NUP214: variants seen among roughly 807,000 people sequenced by gnomAD.
NUP214 encodes the protein nuclear pore complex protein Nup214.
NUP214 carries 79 observed loss-of-function variants against 196.2 expected under a neutral mutation model. The ratio of observed to expected loss-of-function variants is 0.40; its 90% CI spans 0.34 to 0.49. The LOEUF (loss-of-function observed/expected upper bound fraction) is 0.49, where lower values mean the gene tolerates loss of function less well. Ranked by LOEUF, NUP214 falls within the 20% of genes least tolerant of loss-of-function variation. The pLI, the probability that NUP214 is intolerant of heterozygous loss-of-function variation, is 0.58. For synonymous variants in NUP214, 1,020 were observed against 990.5 expected (o/e 1.03, Z -0.56); for missense variants, 2,468 against 2,539.0 (o/e 0.97, Z 0.60).
At position 131,146,431 on chromosome 9, in the gene NUP214, T is replaced by G; in HGVS notation, c.1945+127T>G. ...TTTTCTTGCTTCCTGTATCATACAT[T>G]AATGATTAATGTGCTGTGATTTTCA... On this transcript the variant is annotated intron_variant, in intron 13 of 35. Coordinates refer to ENST00000359428, the MANE Select transcript of NUP214 (RefSeq NM_005085.4). The surrounding 1 kb of genome is among the most constrained non-coding windows in gnomAD (Gnocchi z 4.6). 1.1e-6 allele frequency: 1 copy of G among 886,020 alleles called. No individual in the cohort carries two copies. Among genetic ancestry groups the G allele is most frequent in the Non-Finnish European group, 1.8e-6 (1 of 568,924 alleles). The allele number at this position is 886,020 out of a possible 1,614,324, so 54.9% of individuals were successfully genotyped here.
chr9:131,160,502 G>A (rs1588139542), intron 18 of NUP214, among the ~76,000 whole-genome samples: 2 of 152,298 alleles, frequency 1.3e-5, no homozygotes, highest in Admixed American at 6.5e-5. Context: ...TCCACAAGGA[G>A]TAGAATGTCA....
intron 24 of NUP214, among the ~76,000 whole-genome samples, chr9:131,182,280 G>A (rs906815389): frequency 1.6e-4 from 24 of 152,184 alleles, no homozygotes; most frequent in African/African-American, 5.5e-4. Flanking sequence ...CCCCAGCCCT[G>A]GGCTGCAGAC....
Position 131,140,669 on chromosome 9 carries a change from A to G in NUP214, c.1253A>G (p.Glu418Gly), listed in dbSNP as rs755634544. ...PGVKSLIKTP[E>G]RLSLEGERQP... is the part of the protein sequence containing the mutation. ...GTTAAGTCTCTCATCAAAACACCAGAGCGACTTTCATTAGAAGGAGAGCGA... is the reference window on the plus strand; with the variant it reads ...GTTAAGTCTCTCATCAAAACACCAGGGCGACTTTCATTAGAAGGAGAGCGA... Residue 418 changes from glutamate (E) to glycine (G), a missense_variant, in exon 11 of 36, where the codon GAG (glutamate) becomes GGG (glycine). Glu to Gly is a moderately conservative substitution (Grantham distance 98). Transcript: ENST00000359428. 9 of 1,613,938 alleles carry G rather than the reference A, an allele frequency of 5.6e-6. No individual in the cohort carries two copies. The highest frequency in any genetic ancestry group is 7.6e-6 in the Non-Finnish European group (9 of 1,179,978).
rs745441438 is a variant in NUP214 at position 131,163,924 on chromosome 9, A to T, written c.2778A>T (p.Glu926Asp). 6.2e-7 allele frequency: 1 copy of T among 1,614,134 alleles called. No homozygotes were observed. Residue 926 changes from glutamate to aspartate, a missense_variant, in exon 20 of 36, where the codon GAA (glutamate) becomes GAT (aspartate). Glu to Asp is a conservative substitution (Grantham distance 45, BLOSUM62 2). Coordinates refer to ENST00000359428, the MANE Select transcript of NUP214 (RefSeq NM_005085.4). Reference protein sequence around the residue: ...LCNALLKTTIESHTKSLPKVP... With the variant: ...LCNALLKTTIDSHTKSLPKVP... Reference sequence around the variant, plus strand: ...ATGCTTTGTTGAAAACCACCATAGAATCTCACACCAAATCCTTGCCCAAAG... The same window carrying T: ...ATGCTTTGTTGAAAACCACCATAGATTCTCACACCAAATCCTTGCCCAAAG...
At chr9:131,157,851 G>C (rs1832505968) in intron 17 of NUP214, among the ~76,000 whole-genome samples, 1 of 152,008 alleles carries the variant, frequency 6.6e-6, no homozygotes, top group African/African-American at 2.4e-5. Flanking sequence ...TCACCGTGTT[G>C]ACCAGGCTGG....
In NUP214 at chr9:131,222,879, G is replaced by A. The variant is rs1482193870; in HGVS notation, c.5851G>A (p.Gly1951Arg). ...ACCCACTGGCACTTTCAGCTCTGGA[G>A]GAGGAAGTGTGGCATCCCAAGGCTT... ...QKPTGTFSSG[G>R]GSVASQGFGF... The change falls in exon 32 of 36, where the codon GGA (glycine) becomes AGA (arginine). Residue 1951 changes from glycine (G) to arginine (R), a missense_variant. Gly to Arg is a moderately radical substitution (Grantham distance 125). This residue lies in a region of NUP214 where 262 missense variants were observed against 296.5 expected (regional missense o/e 0.88). Transcript: ENST00000359428. 3.7e-6 allele frequency: 6 copies of A among 1,614,092 alleles called. No homozygotes were observed. Among genetic ancestry groups the A allele is most frequent in the South Asian group, 1.1e-5 (1 of 91,090 alleles).
chr9:131,151,208 A>G (rs574343927), intron 16 of NUP214, among the ~76,000 whole-genome samples: 1 of 152,372 alleles, frequency 6.6e-6, no homozygotes, highest in Non-Finnish European at 1.5e-5. Context: ...CATTATTACT[A>G]CTTACTGTGT....
At chr9:131,137,461 C>T (rs182514776) in intron 9 of NUP214, among the ~76,000 whole-genome samples, 7 of 152,178 alleles carry the variant, frequency 4.6e-5, no homozygotes, top group African/African-American at 1.7e-4. Context: ...CCCCTCCTTC[C>T]TCTCAAGAGT....
intron 8 of NUP214, 29 bp from the exon 9 acceptor site, chr9:131,135,911 C>G (rs767115273): frequency 6.3e-7 from 1 of 1,596,582 alleles, no homozygotes; most frequent in Admixed American, 1.7e-5. Flanking sequence ...TGTATTTGAA[C>G]GTAATGGTCT....
intron 9 of NUP214, among the ~76,000 whole-genome samples, 193 bp from the exon 10 acceptor site, chr9:131,139,088 T>G (rs2274428): frequency 0.24 from 37,201 of 151,992 alleles, 4,646 homozygotes; most frequent in East Asian, 0.42. Flanking sequence ...TCCCATTTGC[T>G]GGGGTACTTC....
chr9:131,140,724 C>T lies in NUP214; in HGVS notation c.1294+14C>T. 6.2e-7 allele frequency: 1 copy of T among 1,607,828 alleles called. No individual in the cohort carries two copies. The highest frequency in any genetic ancestry group is 8.5e-7 in the Non-Finnish European group (1 of 1,177,632). ...CCAAGTCACCAGGTATGTGCCTCTGCCTGCTTTATCAGTAAGGGAATACCA... is the reference window on the plus strand; with the variant it reads ...CCAAGTCACCAGGTATGTGCCTCTGTCTGCTTTATCAGTAAGGGAATACCA... On this transcript the variant is annotated intron_variant, in intron 11 of 35. Coordinates refer to ENST00000359428, the MANE Select transcript of NUP214 (RefSeq NM_005085.4).
At chr9:131,175,434 A>C (rs551401235) in intron 22 of NUP214, 26 bp from the exon 23 acceptor site, 3 of 1,613,246 alleles carry the variant, frequency 1.9e-6, no homozygotes, top group Non-Finnish European at 2.5e-6. Context: ...TCACCCACTC[A>C]CACTTAATTT....
chr9:131,158,092 G>A (rs1832513934), intron 17 of NUP214, among the ~76,000 whole-genome samples: 2 of 150,762 alleles, frequency 1.3e-5, no homozygotes, highest in Admixed American at 1.3e-4. Context: ...CTGATTTTTT[G>A]TTTAGAGACA....
intron 19 of NUP214, 106 bp downstream of exon 19, chr9:131,163,279 T>A: frequency 8.8e-7 from 1 of 1,136,360 alleles, no homozygotes; most frequent in Non-Finnish European, 1.2e-6. Context: ...TCTGTGTCTC[T>A]CACCTGTGTA....
Position 131,215,344 on chromosome 9 carries a change from G to A in NUP214, c.5725G>A (p.Gly1909Ser). ...NKNPFSSASGGFGSTATSNTS... is the reference protein window; with the variant it reads ...NKNPFSSASGSFGSTATSNTS... ...AAACCCATTCAGCTCGGCCAGTGGG[G>A]GCTTTGGATCCACAGCTACCTCAAG... Residue 1909 changes from glycine to serine, a missense_variant, in exon 31 of 36, where the codon GGC becomes AGC. Physicochemically the swap from Gly to Ser is moderately conservative, Grantham distance 56. Coordinates refer to ENST00000359428, the MANE Select transcript of NUP214 (RefSeq NM_005085.4). 1.3e-6 allele frequency: 2 copies of A among 1,599,736 alleles called. No homozygotes were observed. Among genetic ancestry groups the A allele is most frequent in the African/African-American group, 1.4e-5 (1 of 74,040 alleles).
intron 31 of NUP214, 111 bp from the exon 32 acceptor site, chr9:131,222,667 G>C: frequency 7.6e-7 from 1 of 1,307,932 alleles, no homozygotes; most frequent in Non-Finnish European, 1.0e-6. Context: ...CTTCTAGGCG[G>C]CTTGTCACTC....
At chr9:131,193,629 CTTTTTTTTTTTTTTTT>C (rs71389402) in intron 27 of NUP214, among the ~76,000 whole-genome samples, 74 of 28,234 alleles carry the variant, frequency 2.6e-3, no homozygotes, top group East Asian at 0.017. Context: ...TCTTCCTTTT[CTTTTTTTTTTTTTTTT>C]TTTTTTTTTT....
chr9:131,166,967 C>G (rs1832802170), intron 21 of NUP214: 1 of 152,086 alleles, frequency 6.6e-6, no homozygotes, highest in Admixed American at 6.6e-5. Flanking sequence ...CTCCCAAGAA[C>G]AAAGGTGCTC....
chr9:131,176,836 C>G (rs968520974), intron 23 of NUP214, among the ~76,000 whole-genome samples: 5 of 152,116 alleles, frequency 3.3e-5, no homozygotes, highest in Non-Finnish European at 5.9e-5. Context: ...GTTTTATAAG[C>G]TAGTAGTTCT....
Sources: allele counts gnomAD v4.1 joint callset (sites outside exome capture counted in the v4.1 genomes callset), GRCh38; gene constraint gnomAD v4.1.1; regional missense constraint gnomAD v4.1.1; non-coding constraint Gnocchi (gnomAD v3.1); transcripts MANE v1.5; gene names NCBI Gene and HGNC (gene_info 2026-07-23, HGNC 2026-07-21).